NFAM1: variants seen among roughly 807,000 people sequenced by gnomAD.
NFAM1 encodes NFAT activation molecule 1.
Under a neutral mutation model 29.0 loss-of-function variants are expected in NFAM1, and 17 were observed. The ratio of observed to expected loss-of-function variants is 0.59; its 90% CI spans 0.40 to 0.88. NFAM1 has a LOEUF of 0.88. Ranked by LOEUF, NFAM1 falls within the 40% of genes least tolerant of loss-of-function variation. The pLI, the probability that NFAM1 is intolerant of heterozygous loss-of-function variation, is 0.00. For synonymous variants in NFAM1, 175 were observed against 147.2 expected (o/e 1.19, Z -1.36); for missense variants, 324 against 344.6 (o/e 0.94, Z 0.47).
chr22:42,423,725 C>CTTT (rs368682615), intron 1 of NFAM1, among the ~76,000 whole-genome samples: 51 of 143,546 alleles, frequency 3.6e-4, no homozygotes, highest in South Asian at 2.6e-3. Context: ...TCCCTCTTTT[C>CTTT]TTTTTTTTTT....
chr22:42,411,402 C>T lies in NFAM1; in HGVS notation c.451+5G>A. On this transcript the variant is annotated splice_donor_5th_base_variant and intron_variant, in intron 2 of 5. Coordinates refer to ENST00000329021, the MANE Select transcript of NFAM1 (RefSeq NM_145912.8). ...GCCCTGGAAGAGCCACAGAGGAAGCCTTACCTCTGACCAGGATGAAGGTGC... is the reference window on the plus strand; with the variant it reads ...GCCCTGGAAGAGCCACAGAGGAAGCTTTACCTCTGACCAGGATGAAGGTGC... 1.2e-6 allele frequency: 2 copies of T among 1,607,190 alleles called. No homozygotes were observed. Among genetic ancestry groups the T allele is most frequent in the Non-Finnish European group, 1.7e-6 (2 of 1,174,758 alleles).
chr22:42,397,841 G>C lies in NFAM1; in HGVS notation c.663+17C>G, dbSNP rs754114365. The C allele has an allele frequency of 5.8e-6, 9 of 1,544,750 alleles. No individual in the cohort carries two copies. Among genetic ancestry groups the C allele is most frequent in the Non-Finnish European group, 7.2e-6 (8 of 1,117,016 alleles). On this transcript the variant is annotated intron_variant, in intron 4 of 5. Transcript: ENST00000329021. ...GGCCTGAAAGAGGTGGAGGGAGCCG[G>C]GGGCCCCGGGACTCACTGTGTAGAC...
Position 42,419,847 on chromosome 22 carries a change from A to T in NFAM1, c.122-8111T>A, listed in dbSNP as rs1930375734. Reference sequence around the variant, plus strand: ...CGTCACTGTTAAGCCATGTGATCAGAAGAGCCAATGTCCCCTGGGTTTGGT... The same window carrying T: ...CGTCACTGTTAAGCCATGTGATCAGTAGAGCCAATGTCCCCTGGGTTTGGT... On this transcript the variant is annotated intron_variant, in intron 1 of 5. Coordinates refer to ENST00000329021, the MANE Select transcript of NFAM1 (RefSeq NM_145912.8). This position sits in a 1 kb window ranked among gnomAD's most constrained non-coding sequence, Gnocchi z 4.5. Among the ~76,000 whole-genome samples, 1 of 152,196 alleles carries T rather than the reference A, an allele frequency of 6.6e-6. No individual in the cohort carries two copies. The highest frequency in any genetic ancestry group is 2.1e-4 in the South Asian group (1 of 4,830).
In NFAM1 at chr22:42,398,068, T is replaced by G. The variant is rs768606185; in HGVS notation, c.565-112A>C. 2.3e-4 allele frequency: 139 copies of G among 608,096 alleles called. 1 individual carries two copies. The highest frequency in any genetic ancestry group is 3.0e-4 in the Non-Finnish European group (102 of 342,042). The allele number at this position is 608,096 out of a possible 1,614,324, so 37.7% of individuals were successfully genotyped here. On this transcript the variant is annotated intron_variant, in intron 3 of 5. Transcript: ENST00000329021. ...TGTCATGAGGTCACACAGAGATTCA[T>G]CACTCAGTCCCTCCCACTCACCCTC...
In NFAM1 at chr22:42,409,359, C is replaced by T. The variant is rs1930003626; in HGVS notation, c.564+76G>A. The T allele has an allele frequency of 5.3e-6, 4 of 759,948 alleles. No individual in the cohort carries two copies. Among genetic ancestry groups the T allele is most frequent in the Non-Finnish European group, 8.2e-6 (4 of 488,916 alleles). The allele number at this position is 759,948 out of a possible 1,614,324, so 47.1% of individuals were successfully genotyped here. The stretch of plus-strand genomic sequence containing the variant: ...TGCCCTCACCAGGGCCCACCAAACG[C>T]CCTGCAGAGGGCAGGCGGGCAGCCG... On this transcript the variant is annotated intron_variant, in intron 3 of 5. Transcript: ENST00000329021. This position sits in a 1 kb window ranked among gnomAD's most constrained non-coding sequence, Gnocchi z 4.9.
intron 1 of NFAM1, among the ~76,000 whole-genome samples, chr22:42,417,303 G>A (rs1930292294): frequency 6.6e-6 from 1 of 152,170 alleles, no homozygotes; most frequent in Admixed American, 6.5e-5. Context: ...GACTTAGAGT[G>A]ACCAGAGGAG....
chr22:42,400,943 C>G (rs537250271), intron 3 of NFAM1, among the ~76,000 whole-genome samples: 1 of 152,318 alleles, frequency 6.6e-6, no homozygotes, highest in South Asian at 2.1e-4. Context: ...TTGGACCTGC[C>G]GGGGCTGGAA....
chr22:42,396,304 T>G (rs1929523123), intron 4 of NFAM1, among the ~76,000 whole-genome samples: 1 of 152,142 alleles, frequency 6.6e-6, no homozygotes, highest in South Asian at 2.1e-4. Context: ...TTTATTCACG[T>G]GGAAAGATGT....
At chr22:42,406,169 C>G (rs185521409) in intron 3 of NFAM1, among the ~76,000 whole-genome samples, 15 of 122,316 alleles carry the variant, frequency 1.2e-4, no homozygotes, top group East Asian at 1.2e-3. Flanking sequence ...CCAAATACCC[C>G]CCGGCTCGCG....
chr22:42,398,382 TTTATTATTATTATTATTATTA>T (rs202112713), intron 3 of NFAM1, among the ~76,000 whole-genome samples: 8 of 125,440 alleles, frequency 6.4e-5, no homozygotes, highest in Non-Finnish European at 1.3e-4. Flanking sequence ...CTTGGTTTTA[TTTATTATTATTATTATTATTA>T]TTATTATTAT....
At chr22:42,424,282 G>A (rs1930547767) in intron 1 of NFAM1, among the ~76,000 whole-genome samples, 1 of 152,112 alleles carries the variant, frequency 6.6e-6, no homozygotes, top group Non-Finnish European at 1.5e-5. Flanking sequence ...GAGCATGGTG[G>A]CAGGCGCCTG....
intron 1 of NFAM1, among the ~76,000 whole-genome samples, chr22:42,426,255 TTGCGGTTATGCTC>T (rs1287668351): frequency 1.3e-5 from 2 of 152,134 alleles, no homozygotes; most frequent in East Asian, 1.9e-4. Flanking sequence ...GTGAGGCTGT[TTGCGGTTATGCTC>T]TGTGGACCTC....
chr22:42,413,897 T>G (rs935336707), intron 1 of NFAM1, among the ~76,000 whole-genome samples: 8 of 152,110 alleles, frequency 5.3e-5, no homozygotes, highest in Non-Finnish European at 1.0e-4. Flanking sequence ...CTACTAAAAA[T>G]AAAAATATTA....
intron 1 of NFAM1, among the ~76,000 whole-genome samples, chr22:42,426,129 G>A (rs116469325): frequency 0.011 from 1,686 of 152,254 alleles, 32 homozygotes; most frequent in African/African-American, 0.038. Context: ...CTCTGCCTCC[G>A]GCCAACCTCA....
At chr22:42,424,897 C>CGTA (rs1930573401) in intron 1 of NFAM1, among the ~76,000 whole-genome samples, 1 of 141,680 alleles carries the variant, frequency 7.1e-6, no homozygotes, top group Non-Finnish European at 1.5e-5. Context: ...TCTTTCCTTT[C>CGTA]TTTCTTTCTT....
At chr22:42,415,731 T>C (rs1930240908) in intron 1 of NFAM1, among the ~76,000 whole-genome samples, 1 of 152,196 alleles carries the variant, frequency 6.6e-6, no homozygotes, top group African/African-American at 2.4e-5. Context: ...GTCTAGGCCC[T>C]AGTTGGCTGC....
chr22:42,398,089 C>A, intron 3 of NFAM1, 133 bp from the exon 4 acceptor site: 1 of 575,328 alleles, frequency 1.7e-6, no homozygotes, highest in Admixed American at 3.3e-5. Flanking sequence ...CTCCCACTCA[C>A]CCTCTCCAGG....
At chr22:42,420,263 G>A (rs1930403859) in intron 1 of NFAM1, among the ~76,000 whole-genome samples, 2 of 151,818 alleles carry the variant, frequency 1.3e-5, no homozygotes, top group South Asian at 4.2e-4. Context: ...CTTGAGCTCA[G>A]GACTTTAAGA....
In NFAM1 at chr22:42,399,661, G is replaced by A. The variant is rs564808231; in HGVS notation, c.565-1705C>T. 3.0e-3 allele frequency among the ~76,000 whole-genome samples: 459 copies of A among 152,194 alleles called. 1 individual carries two copies. Among genetic ancestry groups the A allele is most frequent in the African/African-American group, 0.011 (439 of 41,538 alleles). The stretch of plus-strand genomic sequence containing the variant: ...CGCTGGTCACAGTGGAGGCTGGGCC[G>A]GGCCTGCTGGGAAGGTGAAGGCTGG... On this transcript the variant is annotated intron_variant, in intron 3 of 5. Coordinates refer to ENST00000329021, the MANE Select transcript of NFAM1 (RefSeq NM_145912.8).
Sources: gnomAD v4.1 joint callset for allele counts (sites outside exome capture counted in the v4.1 genomes callset) on GRCh38, gnomAD v4.1.1 for gene constraint, Gnocchi (gnomAD v3.1) non-coding constraint, MANE v1.5 for transcripts, NCBI Gene and HGNC (gene_info 2026-07-23, HGNC 2026-07-21) for gene names.